ENOX1: variants seen among roughly 807,000 people sequenced by gnomAD.
ENOX1 encodes the protein ecto-NOX disulfide-thiol exchanger 1.
Under a neutral mutation model 82.5 loss-of-function variants are expected in ENOX1, and 42 were observed. The observed-to-expected ratio is 0.51, with a 90% CI of 0.40 to 0.66. The LOEUF is 0.66. ENOX1 is among the 30% of genes least tolerant of loss of function. The pLI is 0.00. For missense variants in ENOX1, 608 were observed against 811.6 expected, an observed-to-expected ratio of 0.75 and a Z score of 3.05; for synonymous variants, 271 against 282.2, an observed-to-expected ratio of 0.96 and a Z score of 0.40.
At chr13:43,694,446 G>C (rs2086530863) in intron 1 of ENOX1, among the ~76,000 whole-genome samples, 1 of 152,158 alleles carries the variant, frequency 6.6e-6, no homozygotes, top group Admixed American at 6.5e-5. Flanking sequence ...TGGCTTAGCA[G>C]TCACTTTGCC....
intron 3 of ENOX1, among the ~76,000 whole-genome samples, chr13:43,462,823 C>T (rs949461925): frequency 7.2e-5 from 11 of 152,078 alleles, no homozygotes; most frequent in South Asian, 2.1e-4. Context: ...GAACATCAGA[C>T]GAAACTGCTA....
chr13:43,369,927 C>T (rs983509800), intron 5 of ENOX1, among the ~76,000 whole-genome samples: 5 of 152,210 alleles, frequency 3.3e-5, no homozygotes, highest in Admixed American at 1.3e-4. Flanking sequence ...GCATGTCCTC[C>T]TCCACTTCCT....
rs759584938 is a variant in ENOX1, at chr13:43,486,115, CAGG to C, written c.-218-1966_-218-1964del. On this transcript the variant is annotated intron_variant, in intron 2 of 16. Transcript: ENST00000690772. ...GTCCCAGCTCCTTGGGAGGCTGAGGCAGGAGAATGGTGTGAACCCGGGAGGCAG... is the reference window on the plus strand; with the variant it reads ...GTCCCAGCTCCTTGGGAGGCTGAGGCAGAATGGTGTGAACCCGGGAGGCAG... Among the ~76,000 whole-genome samples the C allele has an allele frequency of 7.2e-4, 110 of 152,304 alleles. 2 individuals carry two copies. In the Middle Eastern group the frequency reaches 0.01, roughly 14 times the overall value.
rs544414949 is a variant in ENOX1, at chr13:43,505,791, G to A, written c.-218-21639C>T. Among the ~76,000 whole-genome samples, 84 of 151,992 alleles carry A rather than the reference G, an allele frequency of 5.5e-4. No homozygotes were observed. In the South Asian group the frequency reaches 8.7e-3, roughly 16 times the overall value. ...TTTGTCAATTGTGGCTTTTGTTGCC[G>A]TTGCTTTTGGTGTTTTAGACATGAA... On this transcript the variant is annotated intron_variant, in intron 2 of 16. Coordinates refer to ENST00000690772, the MANE Select transcript of ENOX1 (RefSeq NM_001347969.2).
chr13:43,672,193 G>T (rs2085300777), intron 1 of ENOX1, among the ~76,000 whole-genome samples: 1 of 152,082 alleles, frequency 6.6e-6, no homozygotes, highest in African/African-American at 2.4e-5. Context: ...ATCTGAAAAG[G>T]AGTTGACCCT....
At chr13:43,783,390 T>C (rs1321517063) in intron 1 of ENOX1, among the ~76,000 whole-genome samples, 1 of 152,160 alleles carries the variant, frequency 6.6e-6, no homozygotes, top group East Asian at 1.9e-4. Flanking sequence ...AAAATCTTGG[T>C]TGCAAATGTT....
intron 1 of ENOX1, among the ~76,000 whole-genome samples, chr13:43,710,449 A>G (rs1374158997): frequency 6.6e-6 from 1 of 152,198 alleles, no homozygotes; most frequent in African/African-American, 2.4e-5. Flanking sequence ...GAATGAGGGT[A>G]ACTTCCTTAA....
At chr13:43,705,960 A>G (rs76633821) in intron 1 of ENOX1, among the ~76,000 whole-genome samples, 3,158 of 152,154 alleles carry the variant, frequency 0.021, 119 homozygotes, top group African/African-American at 0.072. Context: ...ATCAGATAGA[A>G]TATGTTTCCT....
chr13:43,670,214 C>T (rs1393141969), intron 1 of ENOX1, among the ~76,000 whole-genome samples: 6 of 152,082 alleles, frequency 3.9e-5, no homozygotes, highest in South Asian at 4.2e-4. Context: ...TGAAGATTAT[C>T]GTAATATAGA....
intron 1 of ENOX1, among the ~76,000 whole-genome samples, chr13:43,753,961 A>ACTGATGTATTTCTTCTGTGTATATAAG (rs71099848): frequency 0.9 from 134,593 of 149,076 alleles, 61,223 homozygotes; most frequent in Non-Finnish European, 0.97. Context: ...AGAGACATAA[A>ACTGATGTATTTCTTCTGTGTATATAAG]CTGATGTATT....
At chr13:43,464,170 G>A (rs908047023) in intron 3 of ENOX1, among the ~76,000 whole-genome samples, 2 of 152,086 alleles carry the variant, frequency 1.3e-5, no homozygotes, top group Non-Finnish European at 2.9e-5. Flanking sequence ...GCTTGAGAAT[G>A]GTCTTCCAAG....
At chr13:43,532,033 C>T (rs1018186054) in intron 2 of ENOX1, among the ~76,000 whole-genome samples, 1 of 151,598 alleles carries the variant, frequency 6.6e-6, no homozygotes, top group Non-Finnish European at 1.5e-5. Context: ...ATGTAGCAAA[C>T]CTGCACGTTG....
rs560253850 is a variant in ENOX1 at position 43,641,871 on chromosome 13, T to C, written c.-219+25608A>G. On this transcript the variant is annotated intron_variant, in intron 2 of 16. Transcript: ENST00000690772. Reference sequence around the variant, plus strand: ...TTTTAAAAGAAGTCTCATGCGTCTATCAAGATATTTCAAAACAAAAGGAAG... The same window carrying C: ...TTTTAAAAGAAGTCTCATGCGTCTACCAAGATATTTCAAAACAAAAGGAAG... 4.6e-5 allele frequency among the ~76,000 whole-genome samples: 7 copies of C among 152,192 alleles called. No individual in the cohort carries two copies. In the South Asian group the frequency reaches 1.0e-3, roughly 23 times the overall value.
intron 12 of ENOX1, 94 bp downstream of exon 12, chr13:43,298,252 C>T (rs533388149): frequency 3.8e-6 from 5 of 1,318,102 alleles, no homozygotes; most frequent in East Asian, 4.9e-5. Flanking sequence ...ATTTCTTCTC[C>T]TTCACCCTTT....
intron 2 of ENOX1, among the ~76,000 whole-genome samples, chr13:43,585,399 A>T (rs139413885): frequency 3.1e-4 from 47 of 152,278 alleles, no homozygotes; most frequent in African/African-American, 1.1e-3. Context: ...GCTTTAAGGC[A>T]CTATATTGGT....
In ENOX1 at chr13:43,213,752, T is replaced by C. The variant is rs1042186068; in HGVS notation, c.*238A>G. 14 of 304,796 alleles carry C rather than the reference T, an allele frequency of 4.6e-5. No homozygotes were observed. Among genetic ancestry groups the C allele is most frequent in the African/African-American group, 1.1e-4 (5 of 46,228 alleles). The allele number at this position is 304,796 out of a possible 1,614,324, so 18.9% of individuals were successfully genotyped here. On this transcript the variant is annotated 3_prime_UTR_variant, in exon 17 of 17. Transcript: ENST00000690772. ...TGCCATCATTATGACTGTGGAATCATTGTTTGGTTTTCATAGGAAACAGAT... is the reference window on the plus strand; with the variant it reads ...TGCCATCATTATGACTGTGGAATCACTGTTTGGTTTTCATAGGAAACAGAT...
chr13:43,418,692 C>T (rs2054787554), intron 3 of ENOX1, among the ~76,000 whole-genome samples: 1 of 152,124 alleles, frequency 6.6e-6, no homozygotes, highest in East Asian at 1.9e-4. Flanking sequence ...GAAGTATGAG[C>T]ACCACAAAAC....
chr13:43,465,102 T>C (rs577011190), intron 3 of ENOX1, among the ~76,000 whole-genome samples: 24 of 152,270 alleles, frequency 1.6e-4, no homozygotes, highest in African/African-American at 5.3e-4. Context: ...GTTAAGATAA[T>C]GTTTACCAGG....
At chr13:43,299,261 A>T (rs572870856) in intron 11 of ENOX1, among the ~76,000 whole-genome samples, 2 of 152,324 alleles carry the variant, frequency 1.3e-5, no homozygotes, top group East Asian at 3.9e-4. Context: ...GGTCTCACAC[A>T]TCTCAAGGCT....
Sources: allele counts gnomAD v4.1 joint callset (sites outside exome capture counted in the v4.1 genomes callset), GRCh38; gene constraint gnomAD v4.1.1; transcripts MANE v1.5; gene names NCBI Gene and HGNC (gene_info 2026-07-23, HGNC 2026-07-21).